The following GRID2IP variants were observed in gnomAD, a reference collection of about 807,000 sequenced individuals.
GRID2IP encodes Grid2 interacting protein, also known as delphilin.
A neutral mutation model predicts 114.3 loss-of-function variants in GRID2IP; 78 were observed. The ratio of observed to expected loss-of-function variants is 0.68; its 90% CI spans 0.57 to 0.82. The LOEUF (loss-of-function observed/expected upper bound fraction) is 0.82. Among genes scored for constraint, GRID2IP ranks in the 40% least tolerant of loss-of-function variants. The pLI is 0.00. For synonymous variants in GRID2IP, 809 were observed against 724.0 expected, an observed-to-expected ratio of 1.12 and a Z score of -1.89; for missense variants, 1,727 against 1,678.5, an observed-to-expected ratio of 1.03 and a Z score of -0.51.
intron 4 of GRID2IP, 62 bp from the exon 5 acceptor site, chr7:6,522,019 T>C (rs1453832251): frequency 2.3e-6 from 3 of 1,327,888 alleles, no homozygotes; most frequent in African/African-American, 1.5e-5. Context: ...GAGAGCAGGA[T>C]GCTATCCTGT....
rs1037440316 is a variant in GRID2IP, at chr7:6,508,067, C to T, written c.2462G>A (p.Arg821Gln). 9.2e-5 allele frequency: 119 copies of T among 1,299,672 alleles called. No homozygotes were observed. Among genetic ancestry groups the T allele is most frequent in the Middle Eastern group, 2.1e-4 (1 of 4,696 alleles). 80.5% of individuals were successfully genotyped at this position (1,299,672 alleles called of 1,614,324 possible). ...PPMLSRGLGH[R>Q]RSETSHMSVK... ...GCTCATGTGGCTGGTCTCACTGCGCCGGTGGCCCAGGCCCCGGGACAGCAT... is the reference window on the plus strand; with the variant it reads ...GCTCATGTGGCTGGTCTCACTGCGCTGGTGGCCCAGGCCCCGGGACAGCAT... Residue 821 changes from arginine (R) to glutamine (Q), a missense_variant, in exon 13 of 22, where the codon CGG (arginine) becomes CAG (glutamine). Physicochemically the swap from Arg to Gln is conservative, Grantham distance 43. Coordinates refer to ENST00000457091, the MANE Select transcript of GRID2IP (RefSeq NM_001145118.2). This position sits in a 1 kb window ranked among gnomAD's most constrained non-coding sequence, Gnocchi z 5.6.
At chr7:6,540,828 G>A (rs1779805512) in intron 1 of GRID2IP, among the ~76,000 whole-genome samples, 1 of 151,046 alleles carries the variant, frequency 6.6e-6, no homozygotes, top group South Asian at 2.1e-4. Context: ...ACCGCACACA[G>A]CCAATTTATT....
chr7:6,499,280 G>A (rs1021601098), intron 20 of GRID2IP, among the ~76,000 whole-genome samples: 1 of 150,104 alleles, frequency 6.7e-6, no homozygotes, highest in East Asian at 2.2e-4. Context: ...AGGTTCTCAT[G>A]ACCCCTCTTT....
chr7:6,503,894 G>A (rs1227440934), intron 15 of GRID2IP, among the ~76,000 whole-genome samples: 1 of 151,510 alleles, frequency 6.6e-6, no homozygotes, highest in Admixed American at 6.6e-5. Flanking sequence ...GGAGAGGACG[G>A]CGCTTCAATA....
Position 6,551,317 on chromosome 7 carries a change from G to C in GRID2IP, c.120C>G (p.Ala40=), listed in dbSNP as rs937048848. The change falls in exon 1 of 22, where the codon GCC becomes GCG. Residue 40 remains alanine (A), a synonymous_variant. Coordinates refer to ENST00000457091, the MANE Select transcript of GRID2IP (RefSeq NM_001145118.2). ...LEVAKGSSAH[A]GGLRPGDQIL... is the part of the protein sequence containing the mutation. ...TCTGGTCTCCTGGCCGCAGTCCTCC[G>C]GCATGCGCGCTGCTCCCCTTGGCCA... The C allele has an allele frequency of 3.9e-6, 6 of 1,545,654 alleles. No homozygotes were observed. Among genetic ancestry groups the C allele is most frequent in the Non-Finnish European group, 4.4e-6 (5 of 1,146,506 alleles).
rs1412624381 is a variant in GRID2IP at position 6,516,854 on chromosome 7, C to A, written c.1269-2325G>T. Among the ~76,000 whole-genome samples, 1 of 152,034 alleles carries A rather than the reference C, an allele frequency of 6.6e-6. No homozygotes were observed. Among genetic ancestry groups the A allele is most frequent in the Non-Finnish European group, 1.5e-5 (1 of 68,006 alleles). The stretch of plus-strand genomic sequence containing the variant: ...CCTCAGCTACCAAATAGGGAAGGGC[C>A]CCCTGTCTGGCGGACACGTGACTCA... On this transcript the variant is annotated intron_variant, in intron 7 of 21. Transcript: ENST00000457091. The surrounding 1 kb of genome is among the most constrained non-coding windows in gnomAD (Gnocchi z 4.3).
At chr7:6,550,976 T>TGGCCCC in intron 1 of GRID2IP, 32 bp downstream of exon 1, 17 of 1,015,770 alleles carry the variant, frequency 1.7e-5, no homozygotes, top group Non-Finnish European at 2.1e-5. Flanking sequence ...GCCCCCTCCT[T>TGGCCCC]CCCGCCCCCA....
Position 6,521,719 on chromosome 7 carries a change from C to A in GRID2IP, c.989+169G>T, listed in dbSNP as rs768613898. Reference sequence around the variant, plus strand: ...GGTCCTGGCTAGAGTTGGCGACTGGCGAGGAGGAGGGTTAGATTCAAGAGT... The same window carrying A: ...GGTCCTGGCTAGAGTTGGCGACTGGAGAGGAGGAGGGTTAGATTCAAGAGT... On this transcript the variant is annotated intron_variant, in intron 5 of 21. Coordinates refer to ENST00000457091, the MANE Select transcript of GRID2IP (RefSeq NM_001145118.2). This position sits in a 1 kb window ranked among gnomAD's most constrained non-coding sequence, Gnocchi z 4.1. Among the ~76,000 whole-genome samples the A allele has an allele frequency of 2.0e-5, 3 of 152,072 alleles. No homozygotes were observed. Among genetic ancestry groups the A allele is most frequent in the Admixed American group, 1.3e-4 (2 of 15,272 alleles).
chr7:6,533,067 C>T (rs1434317615), intron 2 of GRID2IP, among the ~76,000 whole-genome samples: 1 of 152,164 alleles, frequency 6.6e-6, no homozygotes, highest in Non-Finnish European at 1.5e-5. Flanking sequence ...TTTTGTCCAC[C>T]CAGGGGATAT....
chr7:6,549,788 G>GT (rs754075666), intron 1 of GRID2IP, among the ~76,000 whole-genome samples: 5,405 of 143,528 alleles, frequency 0.038, 105 homozygotes, highest in African/African-American at 0.041. Context: ...CACCTGGCTG[G>GT]TTTTTTTTTT....
In GRID2IP at chr7:6,507,342, A is replaced by G. The variant is rs1309517752; in HGVS notation, c.2544+643T>C. 6.7e-6 allele frequency among the ~76,000 whole-genome samples: 1 copy of G among 149,638 alleles called. No homozygotes were observed. The highest frequency in any genetic ancestry group is 1.5e-5 in the Non-Finnish European group (1 of 67,652). ...TCTTTGACAGGGACATGGACACTGG[A>G]GTGGGGGTTGGAAACCATGTTCTAA... On this transcript the variant is annotated intron_variant, in intron 13 of 21. Coordinates refer to ENST00000457091, the MANE Select transcript of GRID2IP (RefSeq NM_001145118.2). This position sits in a 1 kb window ranked among gnomAD's most constrained non-coding sequence, Gnocchi z 5.3.
At position 6,536,719 on chromosome 7, in the gene GRID2IP, A is replaced by G; in HGVS notation, c.584+2999T>C. The G allele has an allele frequency of 1.5e-6, 1 of 687,880 alleles. No individual in the cohort carries two copies. Among genetic ancestry groups the G allele is most frequent in the Non-Finnish European group, 2.7e-6 (1 of 375,364 alleles). 42.6% of individuals were successfully genotyped at this position (687,880 alleles called of 1,614,324 possible). A position where few individuals can be genotyped will look rare whatever the true frequency, so the allele number is the denominator to read the frequency against. On this transcript the variant is annotated intron_variant, in intron 2 of 21. Coordinates refer to ENST00000457091, the MANE Select transcript of GRID2IP (RefSeq NM_001145118.2). The surrounding 1 kb of genome is among the most constrained non-coding windows in gnomAD (Gnocchi z 5.3). Reference sequence around the variant, plus strand: ...GCTGCCTGTCAATCAGCTCCCCAGGAAGCGCTCAGAGCCAGCGCATCATCT... The same window carrying G: ...GCTGCCTGTCAATCAGCTCCCCAGGGAGCGCTCAGAGCCAGCGCATCATCT...
At position 6,497,996 on chromosome 7, in the gene GRID2IP, G is replaced by A; in HGVS notation, c.3564+68C>T. 4.8e-6 allele frequency: 7 copies of A among 1,457,998 alleles called. No homozygotes were observed. The South Asian group carries it at 8.3e-5, about 17-fold the overall frequency. The allele number at this position is 1,457,998 out of a possible 1,614,324, so 90.3% of individuals were successfully genotyped here. A position where few individuals can be genotyped will look rare whatever the true frequency, so the allele number is the denominator to read the frequency against. On this transcript the variant is annotated intron_variant, in intron 21 of 21. Coordinates refer to ENST00000457091, the MANE Select transcript of GRID2IP (RefSeq NM_001145118.2). ...CTTTCCCAGCCCTGGCTTCATGGAG[G>A]ATCCCTTCATTTGGCCTCTGGCCCC...
chr7:6,543,100 G>A (rs61616523), intron 1 of GRID2IP, among the ~76,000 whole-genome samples: 4,665 of 152,200 alleles, frequency 0.031, 250 homozygotes, highest in African/African-American at 0.11. Context: ...AGAGGTTGAA[G>A]AGGCCCACTT....
intron 9 of GRID2IP, 100 bp downstream of exon 9, chr7:6,510,808 T>A (rs979795417): frequency 6.8e-7 from 1 of 1,473,114 alleles, no homozygotes; most frequent in African/African-American, 1.4e-5. Context: ...TCCTGAGCCC[T>A]GCTTAGCCCC....
In GRID2IP at chr7:6,499,921, C is replaced by T. The variant is rs547587472; in HGVS notation, c.3400-1693G>A. Among the ~76,000 whole-genome samples, 10 of 150,568 alleles carry T rather than the reference C, an allele frequency of 6.6e-5. 1 individual carries two copies. In the South Asian group the frequency reaches 1.7e-3, roughly 26 times the overall value. On this transcript the variant is annotated intron_variant, in intron 20 of 21. Coordinates refer to ENST00000457091, the MANE Select transcript of GRID2IP (RefSeq NM_001145118.2). ...ATTTTCAAATTATTCTGTAGAGACG[C>T]GGTCCCCCTATGTTGCCCAGGCTGG...
At chr7:6,550,966 G>GCC in intron 1 of GRID2IP, 42 bp downstream of exon 1, 1 of 1,174,704 alleles carries the variant, frequency 8.5e-7, no homozygotes, top group Non-Finnish European at 1.1e-6. Flanking sequence ...CACATTATGA[G>GCC]CCCCCTCCTT....
At chr7:6,539,087 G>C (rs1007187106) in intron 2 of GRID2IP, among the ~76,000 whole-genome samples, 1 of 151,438 alleles carries the variant, frequency 6.6e-6, no homozygotes, top group African/African-American at 2.4e-5. Context: ...TCCTGTTGGA[G>C]ATTTTTACAA....
rs551742635 is a variant in GRID2IP, at chr7:6,534,346, CCCTCCTG to C, written c.584+5365_584+5371del. On this transcript the variant is annotated intron_variant, in intron 2 of 21. Coordinates refer to ENST00000457091, the MANE Select transcript of GRID2IP (RefSeq NM_001145118.2). This position sits in a 1 kb window ranked among gnomAD's most constrained non-coding sequence, Gnocchi z 4.5. ...ACAAAGCTGACTCTGCTTTCCTGTT[CCCTCCTG>C]GCCACGTCACACTTTCCAAACTGCC... Among the ~76,000 whole-genome samples the C allele has an allele frequency of 2.9e-3, 446 of 152,320 alleles. No individual in the cohort carries two copies. The highest frequency in any genetic ancestry group is 0.014 in the Middle Eastern group (4 of 294).
Sources: gnomAD v4.1 joint callset for allele counts (sites outside exome capture counted in the v4.1 genomes callset) on GRCh38, gnomAD v4.1.1 for gene constraint, Gnocchi (gnomAD v3.1) non-coding constraint, MANE v1.5 for transcripts, NCBI Gene and HGNC (gene_info 2026-07-23, HGNC 2026-07-21) for gene names.